The following COL12A1 variants were observed in gnomAD, a reference collection of about 807,000 sequenced individuals.
COL12A1 encodes the protein collagen alpha-1(XII) chain.
Under a neutral mutation model 349.7 loss-of-function variants are expected in COL12A1, and 114 were observed. The ratio of observed to expected loss-of-function variants is 0.33; its 90% CI spans 0.28 to 0.38. The LOEUF (loss-of-function observed/expected upper bound fraction) is 0.38. COL12A1 is among the 10% of genes least tolerant of loss of function. The probability of loss-of-function intolerance (pLI) is 1.00; values close to 1 mark genes in which losing one functional copy is unlikely to be tolerated. For synonymous variants in COL12A1, 1,369 were observed against 1,329.0 expected (o/e 1.03, Z -0.66); for missense variants, 3,284 against 3,756.9 (o/e 0.87, Z 3.29).
intron 8 of COL12A1, among the ~76,000 whole-genome samples, chr6:75,184,697 T>C (rs748516540): frequency 6.6e-5 from 10 of 152,222 alleles, no homozygotes; most frequent in Non-Finnish European, 1.0e-4. Flanking sequence ...AAAGTTCAAC[T>C]ATGTTCACAG....
At chr6:75,143,876 T>G (rs1320540265) in intron 25 of COL12A1, among the ~76,000 whole-genome samples, 1 of 152,190 alleles carries the variant, frequency 6.6e-6, no homozygotes, top group Non-Finnish European at 1.5e-5. Flanking sequence ...CCCAGACACC[T>G]AAATTGTTAG....
intron 8 of COL12A1, 131 bp downstream of exon 8, chr6:75,188,231 T>C: frequency 1.1e-6 from 1 of 945,934 alleles, no homozygotes; most frequent in Non-Finnish European, 1.5e-6. Context: ...TAAAAAACAA[T>C]ACAGTGGAGT....
intron 64 of COL12A1, among the ~76,000 whole-genome samples, chr6:75,088,589 T>C (rs1254729211): frequency 2.6e-5 from 4 of 152,146 alleles, no homozygotes; most frequent in Non-Finnish European, 5.9e-5. Flanking sequence ...ATGTTATAGT[T>C]AATGCCTAAT....
At chr6:75,170,586 C>T (rs540987322) in intron 13 of COL12A1, among the ~76,000 whole-genome samples, 5 of 152,278 alleles carry the variant, frequency 3.3e-5, no homozygotes, top group African/African-American at 1.2e-4. Context: ...GTGTTTCTTC[C>T]GTAATTATCA....
At position 75,087,845 on chromosome 6, in the gene COL12A1, T is replaced by C. The variant is rs547597960; in HGVS notation, c.9011-98A>G. On this transcript the variant is annotated intron_variant, in intron 64 of 65. Coordinates refer to ENST00000322507, the MANE Select transcript of COL12A1 (RefSeq NM_004370.6). ...AAGTGGCACCTCCACTGTCTCAAAA[T>C]TAGACAATTTACTATTGTATGGTAA... is the stretch of plus-strand genomic sequence containing the variant. 1.3e-3 allele frequency: 1,563 copies of C among 1,237,092 alleles called. 1 individual carries two copies. Among genetic ancestry groups the C allele is most frequent in the Non-Finnish European group, 1.7e-3 (1,483 of 876,690 alleles). 76.6% of individuals were successfully genotyped at this position (1,237,092 alleles called of 1,614,324 possible).
At chr6:75,192,500 C>A in intron 3 of COL12A1, 145 bp from the exon 4 acceptor site, 1 of 636,026 alleles carries the variant, frequency 1.6e-6, no homozygotes, top group South Asian at 2.5e-5. Context: ...TTTTTTACTG[C>A]CTTCCAAAAC....
At chr6:75,137,369 AG>A in intron 31 of COL12A1, 67 bp downstream of exon 31, 2 of 1,397,780 alleles carry the variant, frequency 1.4e-6, no homozygotes, top group Admixed American at 2.4e-5. Flanking sequence ...CTAAGCACTG[AG>A]GGGGAAAAAG....
intron 14 of COL12A1, among the ~76,000 whole-genome samples, chr6:75,159,140 C>A (rs1319348372): frequency 6.6e-6 from 1 of 151,294 alleles, no homozygotes; most frequent in Non-Finnish European, 1.5e-5. Flanking sequence ...TTTAAAAACA[C>A]ATAATATGTA....
intron 14 of COL12A1, among the ~76,000 whole-genome samples, chr6:75,164,455 T>C (rs905714975): frequency 6.6e-6 from 1 of 152,192 alleles, no homozygotes; most frequent in Non-Finnish European, 1.5e-5. Context: ...CTTTCTCCTT[T>C]TCCTAAAACC....
chr6:75,194,436 G>T (rs1032626689), intron 3 of COL12A1, among the ~76,000 whole-genome samples: 3 of 152,136 alleles, frequency 2.0e-5, no homozygotes, highest in Admixed American at 6.6e-5. Flanking sequence ...ACTGAAATGT[G>T]TAGGACACTG....
chr6:75,156,224 T>C, intron 15 of COL12A1, 33 bp downstream of exon 15: 1 of 1,608,504 alleles, frequency 6.2e-7, no homozygotes, highest in African/African-American at 1.3e-5. Context: ...CATTACCTTC[T>C]CTCCCCCTCA....
intron 51 of COL12A1, 34 bp downstream of exon 51, chr6:75,113,170 T>C: frequency 8.7e-7 from 1 of 1,155,532 alleles, no homozygotes; most frequent in Non-Finnish European, 1.2e-6. Flanking sequence ...TATTTTTTTC[T>C]AGAAATAAGA....
intron 47 of COL12A1, 152 bp downstream of exon 47, chr6:75,117,230 C>G: frequency 3.0e-6 from 2 of 674,344 alleles, no homozygotes; most frequent in Admixed American, 2.9e-5. Flanking sequence ...TTAGCATGAT[C>G]GCAATAGGAA....
chr6:75,170,034 A>G (rs966650291), intron 13 of COL12A1, among the ~76,000 whole-genome samples: 2 of 152,190 alleles, frequency 1.3e-5, no homozygotes, highest in African/African-American at 4.8e-5. Flanking sequence ...GAAGGGATTG[A>G]TTCCTACACT....
rs186836845 is a variant in COL12A1, at chr6:75,126,384, C to A, written c.6427G>T (p.Val2143Phe). 1 of 1,611,196 alleles carries A rather than the reference C, an allele frequency of 6.2e-7. No homozygotes were observed. Among genetic ancestry groups the A allele is most frequent in the Non-Finnish European group, 8.5e-7 (1 of 1,177,864 alleles). Residue 2143 changes from valine (V) to phenylalanine (F), a missense_variant, in exon 39 of 66, where the codon GTT (valine) becomes TTT (phenylalanine). This residue lies in a region of COL12A1 where 2,601 missense variants were observed against 2,824.8 expected (regional missense o/e 0.92). Transcript: ENST00000322507. ...RVSWDPSPSP[V>F]LGYKIVYKPV... Reference sequence around the variant, plus strand: ...TTATATACTATTTTATATCCAAGAACTGGAGAAGGTGAAGGATCCCAGGAC... The same window carrying A: ...TTATATACTATTTTATATCCAAGAAATGGAGAAGGTGAAGGATCCCAGGAC...
chr6:75,102,068 G>A lies in COL12A1; in HGVS notation c.8416-16C>T. 6.2e-7 allele frequency: 1 copy of A among 1,612,788 alleles called. No individual in the cohort carries two copies. Among genetic ancestry groups the A allele is most frequent in the African/African-American group, 1.3e-5 (1 of 74,950 alleles). On this transcript the variant is annotated splice_polypyrimidine_tract_variant and intron_variant, in intron 56 of 65. Coordinates refer to ENST00000322507, the MANE Select transcript of COL12A1 (RefSeq NM_004370.6). ...CTTGGCGACCCTAGAGTGAGCAATG[G>A]GAAAACAGTTCTCAGGCGTTTCACA...
Position 75,181,006 on chromosome 6 carries a change from G to T in COL12A1, c.2097C>A (p.Val699=). Residue 699 remains valine (V), a synonymous_variant, in exon 11 of 66, where the codon GTC becomes GTA. Transcript: ENST00000322507. ...SSLKPETLYL[V]NVTAEYEDGF... ...CATCCTCATACTCCGCAGTCACATT[G>T]ACCAAATACAAGGTCTCTGGCTTCA... 6.2e-7 allele frequency: 1 copy of T among 1,614,030 alleles called. No homozygotes were observed. The highest frequency in any genetic ancestry group is 1.1e-5 in the South Asian group (1 of 91,040).
chr6:75,174,944 A>T, intron 13 of COL12A1, 94 bp downstream of exon 13: 2 of 1,343,382 alleles, frequency 1.5e-6, no homozygotes, highest in South Asian at 1.4e-5. Flanking sequence ...AGGATTGCAC[A>T]CTTCTAGATT....
At position 75,087,718 on chromosome 6, in the gene COL12A1, G is replaced by T. The variant is rs1180481751; in HGVS notation, c.9040C>A (p.Pro3014Thr). ...GPQGESRTGP[P>T]GSTGSRGPPG... ...GGACCTCTTGAACCTGTGGACCCTG[G>T]TGGACCTGTTCTGGATTCTCCTTGT... Residue 3014 changes from proline to threonine, a missense_variant, in exon 65 of 66, where the codon CCA becomes ACA. Transcript: ENST00000322507. 1 of 1,607,600 alleles carries T rather than the reference G, an allele frequency of 6.2e-7. No individual in the cohort carries two copies. Among genetic ancestry groups the T allele is most frequent in the South Asian group, 1.1e-5 (1 of 89,930 alleles).
Sources: gnomAD v4.1 joint callset for allele counts (sites outside exome capture counted in the v4.1 genomes callset) on GRCh38, gnomAD v4.1.1 for gene constraint, gnomAD v4.1.1 regional missense constraint, MANE v1.5 for transcripts, NCBI Gene and HGNC (gene_info 2026-07-23, HGNC 2026-07-21) for gene names.